PARN: variants seen among roughly 807,000 people sequenced by gnomAD.
PARN encodes poly(A)-specific ribonuclease PARN.
PARN carries 71 observed loss-of-function variants against 102.8 expected under a neutral mutation model. The ratio of observed to expected loss-of-function variants is 0.69; its 90% CI spans 0.57 to 0.84. PARN has a LOEUF of 0.84. PARN is among the 40% of genes least tolerant of loss of function. The pLI is 0.00. For synonymous variants in PARN, 261 were observed against 252.9 expected, an observed-to-expected ratio of 1.03 and a Z score of -0.30; for missense variants, 782 against 760.9, an observed-to-expected ratio of 1.03 and a Z score of -0.33.
chr16:14,595,904 G>C (rs1214728065), intron 12 of PARN, among the ~76,000 whole-genome samples: 1 of 152,114 alleles, frequency 6.6e-6, no homozygotes, highest in Admixed American at 6.6e-5. Context: ...GCCTGAAGCA[G>C]TCCTCCTGCC....
intron 21 of PARN, among the ~76,000 whole-genome samples, chr16:14,524,043 A>C (rs760569229): frequency 1.3e-5 from 2 of 152,184 alleles, no homozygotes; most frequent in Non-Finnish European, 2.9e-5. Flanking sequence ...GTATAGTAAA[A>C]ATATGGTATT....
intron 22 of PARN, among the ~76,000 whole-genome samples, chr16:14,477,777 GAAAGGGAAAAGGGA>G (rs956870578): frequency 1.3e-5 from 2 of 151,754 alleles, no homozygotes; most frequent in African/African-American, 2.4e-5. Flanking sequence ...GACTCCGTCG[GAAAGGGAAAAGGGA>G]AAAGGGAAAA....
chr16:14,478,843 G>A (rs1178939108), intron 22 of PARN, among the ~76,000 whole-genome samples: 3 of 152,150 alleles, frequency 2.0e-5, no homozygotes, highest in East Asian at 1.9e-4. Flanking sequence ...GTGCAATGGC[G>A]TGATCTCGGC....
At chr16:14,533,448 AGAG>A (rs1966467764) in intron 21 of PARN, among the ~76,000 whole-genome samples, 1 of 33,870 alleles carries the variant, frequency 3.0e-5, no homozygotes, top group Non-Finnish European at 4.8e-5. Flanking sequence ...AGGGAGAGGG[AGAG>A]GGAGAGGGAG....
chr16:14,518,291 CAAAAAAAAAAAAA>C (rs34169116), intron 21 of PARN, among the ~76,000 whole-genome samples: 1 of 52,268 alleles, frequency 1.9e-5, no homozygotes, highest in Non-Finnish European at 3.2e-5. Context: ...GACCCTGTCT[CAAAAAAAAAAAAA>C]AAAAAAAAAA....
chr16:14,527,550 G>T (rs892305230), intron 21 of PARN, among the ~76,000 whole-genome samples: 1 of 152,138 alleles, frequency 6.6e-6, no homozygotes, highest in Non-Finnish European at 1.5e-5. Flanking sequence ...CAAGATTAGG[G>T]TCCTACAAAC....
intron 21 of PARN, among the ~76,000 whole-genome samples, chr16:14,515,407 G>A (rs1232372583): frequency 6.6e-6 from 1 of 152,120 alleles, no homozygotes; most frequent in Non-Finnish European, 1.5e-5. Flanking sequence ...ATATGTAGAT[G>A]GAAATATTTT....
At chr16:14,538,023 A>C (rs184489892) in intron 21 of PARN, among the ~76,000 whole-genome samples, 26 of 152,298 alleles carry the variant, frequency 1.7e-4, no homozygotes, top group African/African-American at 5.8e-4. Context: ...TACTGTATAC[A>C]TATATTGAAA....
rs558292288 is a variant in PARN at position 14,569,226 on chromosome 16, T to A, written c.1262+11648A>T. On this transcript the variant is annotated intron_variant, in intron 18 of 23. Coordinates refer to ENST00000437198, the MANE Select transcript of PARN (RefSeq NM_002582.4). Reference sequence around the variant, plus strand: ...ACTTCTCAAAAAATATATACAAATTTAAAAAAAAAAAAGAATTTAAAAAAA... The same window carrying A: ...ACTTCTCAAAAAATATATACAAATTAAAAAAAAAAAAAGAATTTAAAAAAA... Among the ~76,000 whole-genome samples, 222 of 140,018 alleles carry A rather than the reference T, an allele frequency of 1.6e-3. 2 individuals carry two copies. The highest frequency in any genetic ancestry group is 3.9e-3 in the East Asian group (19 of 4,890). The allele number at this position is 140,018 out of a possible 152,430, so 91.9% of individuals were successfully genotyped here.
At chr16:14,568,236 G>A (rs961675698) in intron 18 of PARN, among the ~76,000 whole-genome samples, 7 of 146,368 alleles carry the variant, frequency 4.8e-5, no homozygotes, top group East Asian at 2.0e-4. Flanking sequence ...TTTTTGAGAC[G>A]GAGTCTCGCC....
chr16:14,596,247 T>G (rs986083923), intron 12 of PARN, among the ~76,000 whole-genome samples: 2 of 151,976 alleles, frequency 1.3e-5, no homozygotes, highest in African/African-American at 4.8e-5. Context: ...AGCAAAGAAG[T>G]GCTCAGAAAA....
intron 10 of PARN, among the ~76,000 whole-genome samples, chr16:14,604,798 TAG>T (rs1971085795): frequency 6.6e-6 from 1 of 151,970 alleles, no homozygotes; most frequent in African/African-American, 2.4e-5. Flanking sequence ...GTATTTGTAG[TAG>T]AGACAGGGTT....
chr16:14,592,436 A>C (rs916221325), intron 13 of PARN, among the ~76,000 whole-genome samples: 1 of 152,134 alleles, frequency 6.6e-6, no homozygotes, highest in Admixed American at 6.5e-5. Flanking sequence ...AAGAGGAAAT[A>C]AAAGAGTGGA....
At chr16:14,507,056 G>A (rs1300204760) in intron 21 of PARN, among the ~76,000 whole-genome samples, 3 of 152,198 alleles carry the variant, frequency 2.0e-5, no homozygotes, top group Admixed American at 2.0e-4. Flanking sequence ...GCCAGGCGTG[G>A]TGGCTCATGC....
intron 16 of PARN, among the ~76,000 whole-genome samples, chr16:14,583,047 T>C (rs1194154399): frequency 6.6e-6 from 1 of 152,070 alleles, no homozygotes; most frequent in Non-Finnish European, 1.5e-5. Context: ...CACAACCAAC[T>C]CCAAAAATAA....
intron 22 of PARN, among the ~76,000 whole-genome samples, chr16:14,453,645 TTATA>T (rs1555477966): frequency 6.6e-6 from 1 of 152,212 alleles, no homozygotes; most frequent in Non-Finnish European, 1.5e-5. Context: ...ATAGTCCTAT[TTATA>T]TAGTTTTGCC....
chr16:14,491,168 C>T (rs966304398), intron 21 of PARN, among the ~76,000 whole-genome samples: 3 of 151,460 alleles, frequency 2.0e-5, no homozygotes, highest in Admixed American at 2.0e-4. Flanking sequence ...TTCCTTTCCA[C>T]CCTCTCTAGT....
intron 5 of PARN, among the ~76,000 whole-genome samples, chr16:14,624,267 T>C (rs558953579): frequency 5.1e-4 from 78 of 152,358 alleles, no homozygotes; most frequent in African/African-American, 1.9e-3. Context: ...TGCCCTTGTA[T>C]GCAACTCTGC....
chr16:14,466,630 T>C (rs1179344641), intron 22 of PARN, among the ~76,000 whole-genome samples: 1 of 152,226 alleles, frequency 6.6e-6, no homozygotes, highest in African/African-American at 2.4e-5. Context: ...CACCCATTCC[T>C]TAAAAGAATA....
Sources: allele counts gnomAD v4.1 joint callset (sites outside exome capture counted in the v4.1 genomes callset), GRCh38; gene constraint gnomAD v4.1.1; transcripts MANE v1.5; gene names NCBI Gene and HGNC (gene_info 2026-07-23, HGNC 2026-07-21).